FBXO38: variants seen among roughly 807,000 people sequenced by gnomAD.
FBXO38 encodes F-box protein 38.
Under a neutral mutation model 131.9 loss-of-function variants are expected in FBXO38, and 53 were observed. The ratio of observed to expected loss-of-function variants is 0.40; its 90% confidence interval spans 0.32 to 0.51. The LOEUF is 0.51. FBXO38 is among the 20% of genes least tolerant of loss of function. FBXO38 has a pLI of 0.53. For synonymous variants in FBXO38, 452 were observed against 505.6 expected (o/e 0.89, Z 1.42); for missense variants, 1,076 against 1,475.6 (o/e 0.73, Z 4.44).
rs1320533354 is a variant in FBXO38 at position 148,399,204 on chromosome 5, T to G, written c.262+72T>G. On this transcript the variant is annotated intron_variant, in intron 3 of 21. Coordinates refer to ENST00000340253, the MANE Select transcript of FBXO38 (RefSeq NM_205836.3). ...TAGTAACAATGGTTTCATAAAAAGT[T>G]ACTTGTTGTCTTGAGAAAGGCAATC... 5.1e-6 allele frequency: 8 copies of G among 1,555,190 alleles called. No individual in the cohort carries two copies. The Admixed American group carries it at 1.3e-4, about 25-fold the overall frequency.
Position 148,427,745 on chromosome 5 carries a change from T to A in FBXO38, c.2451T>A (p.Phe817Leu). The change falls in exon 15 of 22, where the codon TTT becomes TTA. Residue 817 changes from phenylalanine (F) to leucine (L), a missense_variant. Around this residue, in one of 8 missense-constraint regions of FBXO38, gnomAD observed 213 missense variants for 225.2 expected, o/e 0.95. Transcript: ENST00000340253. ...ATGGTACGAGATCCGCCTTTTCCTT[T>A]AGGACTCTGCCACAAGGGGGGTCTT... ...GPDGTRSAFS[F>L]RTLPQGGSSG... 2 of 1,613,530 alleles carry A rather than the reference T, an allele frequency of 1.2e-6. No homozygotes were observed. Among genetic ancestry groups the A allele is most frequent in the South Asian group, 2.2e-5 (2 of 91,022 alleles).
rs112011457 is a variant in FBXO38 at position 148,394,491 on chromosome 5, A to C, written c.-63-223A>C. 2.2e-3 allele frequency among the ~76,000 whole-genome samples: 341 copies of C among 152,252 alleles called. 3 individuals are homozygous for C. Among genetic ancestry groups the C allele is most frequent in the African/African-American group, 7.8e-3 (323 of 41,566 alleles). ...TCCTGGATTTTTGCTCTTTCTAAGT[A>C]ATGCATATTTATATTATCTTCAGAA... On this transcript the variant is annotated intron_variant, in intron 1 of 21. Transcript: ENST00000340253.
intron 2 of FBXO38, among the ~76,000 whole-genome samples, chr5:148,395,582 C>T (rs1200065159): frequency 6.6e-6 from 1 of 151,328 alleles, no homozygotes; most frequent in African/African-American, 2.4e-5. Context: ...CATACTTTGT[C>T]TCTGAAATTA....
rs138711759 is a variant in FBXO38 at position 148,393,020 on chromosome 5, A to T, written c.-63-1694A>T. On this transcript the variant is annotated intron_variant, in intron 1 of 21. Coordinates refer to ENST00000340253, the MANE Select transcript of FBXO38 (RefSeq NM_205836.3). ...TTGGGCAGTTCTGAGTATGAACTTT[A>T]TTTTTCCGGAGGCCTCTTAGCCAAA... 6.6e-4 allele frequency among the ~76,000 whole-genome samples: 100 copies of T among 152,144 alleles called. 1 individual carries two copies. Among genetic ancestry groups the T allele is most frequent in the African/African-American group, 1.7e-3 (70 of 41,490 alleles).
chr5:148,422,450 GCAGCCAC>G (rs1314635766), intron 12 of FBXO38, among the ~76,000 whole-genome samples: 2 of 152,214 alleles, frequency 1.3e-5, no homozygotes, highest in East Asian at 3.9e-4. Context: ...CTGATCTTAA[GCAGCCAC>G]CAGTTTATTC....
At position 148,442,067 on chromosome 5, in the gene FBXO38, G is replaced by C; in HGVS notation, c.3487G>C (p.Gly1163Arg). 1 of 1,614,070 alleles carries C rather than the reference G, an allele frequency of 6.2e-7. No individual in the cohort carries two copies. The highest frequency in any genetic ancestry group is 8.5e-7 in the Non-Finnish European group (1 of 1,179,948). ...EISEMRQMKK[G>R]VFQRVVAIFI... ...TTCAGAGATGCGTCAGATGAAGAAGGGTGTATTTCAGCGAGTAGTGGCAAT... is the reference window on the plus strand; with the variant it reads ...TTCAGAGATGCGTCAGATGAAGAAGCGTGTATTTCAGCGAGTAGTGGCAAT... The change falls in exon 22 of 22, where the codon GGT (glycine) becomes CGT (arginine). Residue 1163 changes from glycine (G) to arginine (R), a missense_variant. By Grantham distance (125) the Gly-to-Arg change is moderately radical. This residue lies in a region of FBXO38 where 282 missense variants were observed against 418.8 expected (regional missense o/e 0.67). Transcript: ENST00000340253.
At chr5:148,441,074 G>T in intron 20 of FBXO38, 50 bp from the exon 21 acceptor site, 1 of 1,271,294 alleles carries the variant, frequency 7.9e-7, no homozygotes, top group South Asian at 1.2e-5. Flanking sequence ...GCAGAATTTG[G>T]CTCTGTCAGC....
Position 148,440,655 on chromosome 5 carries a change from C to T in FBXO38, c.3274+128C>T. On this transcript the variant is annotated intron_variant, in intron 20 of 21. Coordinates refer to ENST00000340253, the MANE Select transcript of FBXO38 (RefSeq NM_205836.3). ...AAGAGTTCAAGACCGGCCTGGGAAA[C>T]AAAACCTGGCCCTTTCTCATTCACG... 4 of 581,964 alleles carry T rather than the reference C, an allele frequency of 6.9e-6. No individual in the cohort carries two copies. In the South Asian group the frequency reaches 9.6e-5, roughly 14 times the overall value. 36.1% of individuals were successfully genotyped at this position (581,964 alleles called of 1,614,324 possible). A position where few individuals can be genotyped will look rare whatever the true frequency, so the allele number is the denominator to read the frequency against.
chr5:148,424,649 A>G (rs1403573195), intron 13 of FBXO38, among the ~76,000 whole-genome samples: 1 of 152,190 alleles, frequency 6.6e-6, no homozygotes, highest in Non-Finnish European at 1.5e-5. Flanking sequence ...GATGTGCTCA[A>G]CACCACTCAG....
intron 16 of FBXO38, 23 bp downstream of exon 16, chr5:148,433,547 C>A: frequency 6.3e-7 from 1 of 1,581,254 alleles, no homozygotes; most frequent in Non-Finnish European, 8.7e-7. Context: ...CCCTCACTTA[C>A]CTTTATCACA....
intron 1 of FBXO38, among the ~76,000 whole-genome samples, chr5:148,387,970 G>A (rs1437579093): frequency 6.6e-6 from 1 of 152,138 alleles, no homozygotes; most frequent in Non-Finnish European, 1.5e-5. Context: ...GATTACAGGT[G>A]TGAGCCACCG....
intron 17 of FBXO38, chr5:148,434,401 CT>C (rs990733325): frequency 6.6e-6 from 1 of 151,764 alleles, no homozygotes; most frequent in African/African-American, 2.4e-5. Context: ...TTAATTTTAC[CT>C]TTTTTATTCA....
At chr5:148,424,199 T>C in intron 13 of FBXO38, 82 bp downstream of exon 13, 1 of 1,394,160 alleles carries the variant, frequency 7.2e-7, no homozygotes, top group Non-Finnish European at 9.8e-7. Context: ...GCGAGAATGA[T>C]TGTTTTCTGA....
At position 148,409,181 on chromosome 5, in the gene FBXO38, T is replaced by G. The variant is rs1752606337; in HGVS notation, c.926T>G (p.Val309Gly). The part of the protein sequence containing the change: ...VLGACKNALE[V>G]DLGYLIITAA... Reference sequence around the variant, plus strand: ...GGAGCTTGCAAAAATGCTCTTGAAGTAGATCTTGGTTACCTCATCATTACT... The same window carrying G: ...GGAGCTTGCAAAAATGCTCTTGAAGGAGATCTTGGTTACCTCATCATTACT... Residue 309 changes from valine (V) to glycine (G), a missense_variant, in exon 8 of 22, where the codon GTA becomes GGA. By Grantham distance (109) the Val-to-Gly change is moderately radical. Coordinates refer to ENST00000340253, the MANE Select transcript of FBXO38 (RefSeq NM_205836.3). 2 of 1,612,790 alleles carry G rather than the reference T, an allele frequency of 1.2e-6. No homozygotes were observed. The highest frequency in any genetic ancestry group is 8.5e-7 in the Non-Finnish European group (1 of 1,178,876).
chr5:148,426,417 T>C (rs1753717375), intron 14 of FBXO38, among the ~76,000 whole-genome samples: 1 of 152,234 alleles, frequency 6.6e-6, no homozygotes, highest in Non-Finnish European at 1.5e-5. Context: ...GAAAGTTTAG[T>C]TCTTTGGACT....
chr5:148,399,613 T>C (rs560653990), intron 3 of FBXO38: 1 of 153,214 alleles, frequency 6.5e-6, no homozygotes, highest in African/African-American at 2.4e-5. Flanking sequence ...TCTTGGAGAT[T>C]CTCGAATAAG....
chr5:148,439,893 C>T, intron 19 of FBXO38, 101 bp downstream of exon 19: 1 of 1,200,688 alleles, frequency 8.3e-7, no homozygotes, highest in South Asian at 1.5e-5. Context: ...ATGATTCCAT[C>T]TAAGCTTTTC....
chr5:148,398,478 A>G (rs527919362), intron 2 of FBXO38, among the ~76,000 whole-genome samples: 7 of 151,930 alleles, frequency 4.6e-5, no homozygotes, highest in African/African-American at 1.4e-4. Flanking sequence ...ATTGTGTACT[A>G]TATGACTAGT....
Position 148,406,003 on chromosome 5 carries a change from CA to C in FBXO38, c.731-250del, listed in dbSNP as rs1752424193. ...TTTTTCCCATTAGTTAGTTTGAGTT[CA>C]AAACTATTGAGCCTTTAGAGAATTT... On this transcript the variant is annotated intron_variant, in intron 6 of 21. Coordinates refer to ENST00000340253, the MANE Select transcript of FBXO38 (RefSeq NM_205836.3). Among the ~76,000 whole-genome samples, 2 of 152,134 alleles carry C rather than the reference CA, an allele frequency of 1.3e-5. 1 individual carries two copies. The highest frequency in any genetic ancestry group is 4.8e-5 in the African/African-American group (2 of 41,428).
Sources: gnomAD v4.1 joint callset for allele counts (sites outside exome capture counted in the v4.1 genomes callset) on GRCh38, gnomAD v4.1.1 for gene constraint, gnomAD v4.1.1 regional missense constraint, MANE v1.5 for transcripts, NCBI Gene and HGNC (gene_info 2026-07-23, HGNC 2026-07-21) for gene names.